The following CLEC17A variants were observed in gnomAD, a reference collection of about 807,000 sequenced individuals.
The protein encoded by CLEC17A is C-type lectin domain containing 17A.
A neutral mutation model predicts 61.3 loss-of-function variants in CLEC17A; 37 were observed. The ratio of observed to expected loss-of-function variants is 0.60; its 90% confidence interval spans 0.46 to 0.79. The LOEUF (loss-of-function observed/expected upper bound fraction) is 0.79, where lower values mean the gene tolerates loss of function less well. CLEC17A is among the 30% of genes least tolerant of loss of function. CLEC17A has a pLI of 0.00. For missense variants in CLEC17A, 418 were observed against 464.7 expected (o/e 0.90, Z 0.92); for synonymous variants, 168 against 164.9 (o/e 1.02, Z -0.14).
intron 8 of CLEC17A, among the ~76,000 whole-genome samples, chr19:14,596,027 A>ATGGTGGAAGTAGTGATGGTGT (rs2074543935): frequency 1.6e-3 from 1 of 640 alleles, no homozygotes; most frequent in Non-Finnish European, 3.6e-3. Flanking sequence ...GGTGTTGGTG[A>ATGGTGGAAGTAGTGATGGTGT]TGACCATGTT....
rs2146695753 is a variant in CLEC17A at position 14,594,512 on chromosome 19, T to C, written c.278-5T>C. On this transcript the variant is annotated splice_region_variant and splice_polypyrimidine_tract_variant and intron_variant, in intron 4 of 13. Transcript: ENST00000417570. ...CAGCCCTCACCCTGAGCTTCTCTTCTCCAGGTTCAAGTGCTCCACCAAGAC... is the reference window on the plus strand; with the variant it reads ...CAGCCCTCACCCTGAGCTTCTCTTCCCCAGGTTCAAGTGCTCCACCAAGAC... 4 of 1,580,858 alleles carry C rather than the reference T, an allele frequency of 2.5e-6. No homozygotes were observed. In the East Asian group the frequency reaches 9.4e-5, roughly 37 times the overall value.
At chr19:14,608,402 T>C (rs2074956414) in intron 13 of CLEC17A, among the ~76,000 whole-genome samples, 1 of 152,136 alleles carries the variant, frequency 6.6e-6, no homozygotes, top group African/African-American at 2.4e-5. Context: ...TTTCCCTGTG[T>C]GCTTGGCATC....
intron 7 of CLEC17A, 82 bp from the exon 8 acceptor site, chr19:14,595,192 G>A: frequency 6.6e-7 from 1 of 1,523,804 alleles, no homozygotes; most frequent in Non-Finnish European, 9.1e-7. Context: ...ATTCTGACCA[G>A]AGAACAAAAC....
chr19:14,583,068 A>G (rs542087227), upstream of CLEC17A: 239 of 1,395,060 alleles, frequency 1.7e-4, no homozygotes, highest in African/African-American at 3.0e-3. Context: ...AGGAAAAGGG[A>G]ACTGAGAGAG....
At chr19:14,582,230 T>G (rs1568441667), upstream of CLEC17A, among the ~76,000 whole-genome samples, 1 of 151,642 alleles carries the variant, frequency 6.6e-6, no homozygotes, top group East Asian at 1.9e-4. Flanking sequence ...TTTTTTTTTT[T>G]GAGACGGAGT....
At chr19:14,607,690 C>T (rs367796641) in intron 13 of CLEC17A, among the ~76,000 whole-genome samples, 35 of 151,848 alleles carry the variant, frequency 2.3e-4, no homozygotes, top group Admixed American at 1.3e-3. Context: ...GATTCTTCCA[C>T]CTTAGTCTCC....
At position 14,610,211 on chromosome 19, in the gene CLEC17A, G is replaced by A; in HGVS notation, c.*15G>A. ...GTTCCTGTTGAAGCCCAGGGCCGAG[G>A]CTGGGGGTCCATATCTGAGTGTCTC... On this transcript the variant is annotated 3_prime_UTR_variant, in exon 14 of 14. Coordinates refer to ENST00000417570, the MANE Select transcript of CLEC17A (RefSeq NM_001204118.2). 2 of 1,551,642 alleles carry A rather than the reference G, an allele frequency of 1.3e-6. No individual in the cohort carries two copies. Among genetic ancestry groups the A allele is most frequent in the Non-Finnish European group, 8.7e-7 (1 of 1,148,478 alleles).
chr19:14,603,493 TC>T (rs1568460567), intron 12 of CLEC17A, among the ~76,000 whole-genome samples: 2 of 152,124 alleles, frequency 1.3e-5, no homozygotes, highest in Non-Finnish European at 2.9e-5. Flanking sequence ...GGGATCTTGC[TC>T]TGTTGCCCAG....
At chr19:14,601,086 A>G (rs1483552300) in intron 12 of CLEC17A, among the ~76,000 whole-genome samples, 3 of 151,566 alleles carry the variant, frequency 2.0e-5, no homozygotes, top group African/African-American at 7.3e-5. Flanking sequence ...TATTATTAGT[A>G]GAGATGAGGT....
Position 14,596,969 on chromosome 19 carries a change from C to T in CLEC17A, c.539C>T (p.Ser180Phe), listed in dbSNP as rs757901878. 4.8e-5 allele frequency: 78 copies of T among 1,608,728 alleles called. No individual in the cohort carries two copies. The highest frequency in any genetic ancestry group is 3.0e-4 in the South Asian group (27 of 89,800). Residue 180 changes from serine to phenylalanine, a missense_variant, in exon 9 of 14, where the codon TCC (serine) becomes TTC (phenylalanine). Ser to Phe is a radical substitution (Grantham distance 155). Transcript: ENST00000417570. Reference sequence around the variant, plus strand: ...TACCTGTGTCTGCTGGTGGTGACTTCCCTGTTCCTGGGCTGCCTTGGTCTC... The same window carrying T: ...TACCTGTGTCTGCTGGTGGTGACTTTCCTGTTCCTGGGCTGCCTTGGTCTC... ...MVYLCLLVVT[S>F]LFLGCLGLTV...
At position 14,587,617 on chromosome 19, in the gene CLEC17A, C is replaced by A; in HGVS notation, c.125C>A (p.Thr42Asn). The A allele has an allele frequency of 6.3e-7, 1 of 1,594,298 alleles. No individual in the cohort carries two copies. Among genetic ancestry groups the A allele is most frequent in the Non-Finnish European group, 8.5e-7 (1 of 1,170,682 alleles). Residue 42 changes from threonine (T) to asparagine (N), a missense_variant, in exon 3 of 14, where the codon ACC becomes AAC. Transcript: ENST00000417570. ...TGACTTGCCTTTCCCCTGGAAGGGA[C>A]CATGGAGGAGGAGGAGGAGGATGAT... Reference protein sequence around the residue: ...PYKDLPPKPGTMEEEEEDDDY... With the variant: ...PYKDLPPKPGNMEEEEEDDDY...
At chr19:14,587,174 TGAGCC>T (rs2074304346) in intron 2 of CLEC17A, among the ~76,000 whole-genome samples, 1 of 151,782 alleles carries the variant, frequency 6.6e-6, no homozygotes, top group Admixed American at 6.6e-5. Flanking sequence ...ATTACAGACG[TGAGCC>T]ACCACCCCCG....
intron 12 of CLEC17A, among the ~76,000 whole-genome samples, chr19:14,603,303 C>G (rs1178727928): frequency 6.6e-6 from 1 of 152,116 alleles, no homozygotes; most frequent in Non-Finnish European, 1.5e-5. Context: ...TTACTCCAAA[C>G]TGGTATCTAC....
At chr19:14,591,656 T>C (rs910781508) in intron 3 of CLEC17A, among the ~76,000 whole-genome samples, 5 of 150,956 alleles carry the variant, frequency 3.3e-5, no homozygotes, top group Non-Finnish European at 5.9e-5. Context: ...TGAGTTCAAG[T>C]GATTCACCTG....
intron 7 of CLEC17A, 62 bp from the exon 8 acceptor site, chr19:14,595,212 T>C (rs1284583296): frequency 2.5e-6 from 4 of 1,586,070 alleles, no homozygotes; most frequent in Non-Finnish European, 3.5e-6. Flanking sequence ...CAGAGGTTGT[T>C]GATCTTGGAA....
chr19:14,608,135 G>A (rs188863622), intron 13 of CLEC17A, among the ~76,000 whole-genome samples: 46 of 152,266 alleles, frequency 3.0e-4, no homozygotes, highest in African/African-American at 1.1e-3. Flanking sequence ...GCCTCCCAAA[G>A]TGCTGGGATG....
chr19:14,591,235 A>ATGGGGGCTATTGTCATT (rs1434450370), intron 3 of CLEC17A, among the ~76,000 whole-genome samples: 2 of 151,136 alleles, frequency 1.3e-5, no homozygotes, highest in African/African-American at 2.4e-5. Flanking sequence ...GCTCACTGCA[A>ATGGGGGCTATTGTCATT]GCTCCGCCTC....
At chr19:14,598,287 G>A (rs544074305) in intron 10 of CLEC17A, among the ~76,000 whole-genome samples, 23 of 148,330 alleles carry the variant, frequency 1.6e-4, no homozygotes, top group South Asian at 1.5e-3. Context: ...ACTTTCTTTC[G>A]TTTGTTTGTT....
chr19:14,594,075 G>A (rs2074486864), intron 4 of CLEC17A, among the ~76,000 whole-genome samples: 1 of 152,116 alleles, frequency 6.6e-6, no homozygotes, highest in African/African-American at 2.4e-5. Context: ...TTGAGGTCAG[G>A]AGTTCGAGAC....
Sources: gnomAD v4.1 joint callset for allele counts (sites outside exome capture counted in the v4.1 genomes callset) on GRCh38, gnomAD v4.1.1 for gene constraint, MANE v1.5 for transcripts, NCBI Gene and HGNC (gene_info 2026-07-23, HGNC 2026-07-21) for gene names.